ARHGAP19: variants seen among roughly 807,000 people sequenced by gnomAD.
ARHGAP19 encodes the protein rho GTPase-activating protein 19.
In ARHGAP19, 48 loss-of-function variants were observed where a neutral mutation model predicts 60.9. The ratio of observed to expected loss-of-function variants is 0.79; its 90% CI spans 0.62 to 1.00. ARHGAP19 has a LOEUF of 1.00. Among genes scored for constraint, ARHGAP19 ranks in the 50% least tolerant of loss-of-function variants. The pLI, the probability that ARHGAP19 is intolerant of heterozygous loss-of-function variation, is 0.00. For synonymous variants in ARHGAP19, 209 were observed against 215.5 expected, an observed-to-expected ratio of 0.97 and a Z score of 0.27; for missense variants, 562 against 597.2, an observed-to-expected ratio of 0.94 and a Z score of 0.61.
At chr10:97,288,406 C>T (rs1843182729) in intron 1 of ARHGAP19, among the ~76,000 whole-genome samples, 1 of 151,782 alleles carries the variant, frequency 6.6e-6, no homozygotes, top group African/African-American at 2.4e-5. Flanking sequence ...ATGGTGAAAC[C>T]CCGTCTCTAC....
intron 8 of ARHGAP19, among the ~76,000 whole-genome samples, chr10:97,236,460 T>A (rs1842379516): frequency 6.6e-6 from 1 of 152,076 alleles, no homozygotes; most frequent in South Asian, 2.1e-4. Flanking sequence ...TAGTTAAGTA[T>A]CCCTCCTGAA....
chr10:97,286,255 C>G (rs181878074), intron 1 of ARHGAP19, among the ~76,000 whole-genome samples: 119 of 152,270 alleles, frequency 7.8e-4, no homozygotes, highest in Non-Finnish European at 7.1e-4. Flanking sequence ...CCATTTTTCT[C>G]GAAGGAACAC....
rs374142217 is a variant in ARHGAP19, at chr10:97,259,223, A to G, written c.840+179T>C. 6.2e-4 allele frequency among the ~76,000 whole-genome samples: 94 copies of G among 152,352 alleles called. 3 individuals carry two copies. The South Asian group carries it at 0.018, about 29-fold the overall frequency. On this transcript the variant is annotated intron_variant, in intron 5 of 11. Transcript: ENST00000358531. ...CAGAGATTGATTTATAAGTGAGGTTAGCAGGAATTGGCCCTCTCAGGTCTG... is the reference window on the plus strand; with the variant it reads ...CAGAGATTGATTTATAAGTGAGGTTGGCAGGAATTGGCCCTCTCAGGTCTG...
chr10:97,228,513 T>C (rs554777600), intron 11 of ARHGAP19, among the ~76,000 whole-genome samples: 1 of 152,302 alleles, frequency 6.6e-6, no homozygotes, highest in East Asian at 1.9e-4. Context: ...AATGGGTGGT[T>C]TTCCTGGGTC....
At chr10:97,240,583 G>A (rs1351487698) in intron 8 of ARHGAP19, among the ~76,000 whole-genome samples, 1 of 152,176 alleles carries the variant, frequency 6.6e-6, no homozygotes, top group Non-Finnish European at 1.5e-5. Context: ...CCCAGGAGGT[G>A]GAGGCTGCAG....
At chr10:97,289,160 G>T (rs1323828746) in intron 1 of ARHGAP19, among the ~76,000 whole-genome samples, 1 of 149,880 alleles carries the variant, frequency 6.7e-6, no homozygotes, top group East Asian at 2.0e-4. Flanking sequence ...TGTCGCCCAG[G>T]CTGGAGGGCA....
Position 97,225,811 on chromosome 10 carries a change from C to A in ARHGAP19, c.*311G>T. ...TCATATTTTTTTTCAAAAGTGGAAT[C>A]TGCCTAAACACATTGAGTGAGCACT... On this transcript the variant is annotated 3_prime_UTR_variant, in exon 12 of 12. Coordinates refer to ENST00000358531, the MANE Select transcript of ARHGAP19 (RefSeq NM_032900.6). 3.3e-6 allele frequency: 1 copy of A among 300,724 alleles called. No homozygotes were observed. The highest frequency in any genetic ancestry group is 6.1e-6 in the Non-Finnish European group (1 of 164,444). 18.6% of individuals were successfully genotyped at this position (300,724 alleles called of 1,614,324 possible).
chr10:97,258,198 A>G (rs930721832), intron 5 of ARHGAP19, among the ~76,000 whole-genome samples: 3 of 152,134 alleles, frequency 2.0e-5, no homozygotes, highest in Non-Finnish European at 2.9e-5. Flanking sequence ...GACTAAACAA[A>G]CAAAAAATGG....
At chr10:97,287,388 C>T (rs1207948233) in intron 1 of ARHGAP19, among the ~76,000 whole-genome samples, 1 of 152,174 alleles carries the variant, frequency 6.6e-6, no homozygotes, top group Non-Finnish European at 1.5e-5. Flanking sequence ...AGGGGGTGTT[C>T]CTCATCAACA....
intron 1 of ARHGAP19, among the ~76,000 whole-genome samples, chr10:97,286,612 T>A (rs1271481901): frequency 2.0e-5 from 3 of 152,080 alleles, no homozygotes; most frequent in Non-Finnish European, 4.4e-5. Context: ...GGCTCAGAAG[T>A]CATGTTTACT....
intron 4 of ARHGAP19, 98 bp downstream of exon 4, chr10:97,263,322 G>T: frequency 8.3e-7 from 1 of 1,208,436 alleles, no homozygotes; most frequent in Non-Finnish European, 1.2e-6. Flanking sequence ...AATATTAATA[G>T]AAGTATTTCT....
intron 1 of ARHGAP19, among the ~76,000 whole-genome samples, chr10:97,286,009 T>C (rs1218243898): frequency 6.6e-6 from 1 of 152,218 alleles, no homozygotes; most frequent in East Asian, 1.9e-4. Context: ...TTCCTTCCCC[T>C]CCTTCCAAGA....
chr10:97,255,849 T>C (rs1283752022), intron 6 of ARHGAP19, among the ~76,000 whole-genome samples: 1 of 152,154 alleles, frequency 6.6e-6, no homozygotes. Context: ...CTTCAAAAGA[T>C]TTGTATATGT....
intron 1 of ARHGAP19, chr10:97,278,211 G>A (rs139873367): frequency 5.9e-5 from 9 of 153,398 alleles, no homozygotes; most frequent in South Asian, 4.1e-4. Context: ...AGGATCTTTC[G>A]ATTTCCAAAA....
intron 5 of ARHGAP19, chr10:97,258,881 C>A (rs1842790521): frequency 6.6e-6 from 1 of 152,174 alleles, no homozygotes; most frequent in African/African-American, 2.4e-5. Flanking sequence ...AGACCATGGT[C>A]TCCATAAGAA....
At chr10:97,271,050 A>G (rs1397463265) in intron 1 of ARHGAP19, among the ~76,000 whole-genome samples, 1 of 152,250 alleles carries the variant, frequency 6.6e-6, no homozygotes, top group Non-Finnish European at 1.5e-5. Context: ...ATTTAAAAAC[A>G]TTAAAAAACA....
At chr10:97,289,778 C>T (rs1843205162) in intron 1 of ARHGAP19, among the ~76,000 whole-genome samples, 1 of 151,174 alleles carries the variant, frequency 6.6e-6, no homozygotes. Flanking sequence ...CAGTTGAGCC[C>T]AGGAGGTTGA....
chr10:97,268,553 C>T (rs11189085), intron 1 of ARHGAP19, among the ~76,000 whole-genome samples: 111 of 152,302 alleles, frequency 7.3e-4, no homozygotes, highest in African/African-American at 2.7e-3. Flanking sequence ...CTCACAGTTC[C>T]ACATGGCTAG....
At chr10:97,240,057 T>G (rs1443991826) in intron 8 of ARHGAP19, among the ~76,000 whole-genome samples, 1 of 151,860 alleles carries the variant, frequency 6.6e-6, no homozygotes, top group Non-Finnish European at 1.5e-5. Flanking sequence ...TTAGGGGGAA[T>G]TGGGTAAAGG....
Sources: gnomAD v4.1 joint callset for allele counts (sites outside exome capture counted in the v4.1 genomes callset) on GRCh38, gnomAD v4.1.1 for gene constraint, MANE v1.5 for transcripts, NCBI Gene and HGNC (gene_info 2026-07-23, HGNC 2026-07-21) for gene names.